The following NUDT3 variants were observed in gnomAD, a reference collection of about 807,000 sequenced individuals.
NUDT3 encodes the protein diphosphoinositol polyphosphate phosphohydrolase 1.
A neutral mutation model predicts 23.6 loss-of-function variants in NUDT3; 9 were observed. The observed-to-expected ratio is 0.38, with a 90% CI of 0.23 to 0.66. The LOEUF (loss-of-function observed/expected upper bound fraction) is 0.66, where lower values mean the gene tolerates loss of function less well. NUDT3 is among the 30% of genes least tolerant of loss of function. NUDT3 has a pLI of 0.52. For synonymous variants in NUDT3, 86 were observed against 82.6 expected, an observed-to-expected ratio of 1.04 and a Z score of -0.22; for missense variants, 172 against 218.5, an observed-to-expected ratio of 0.79 and a Z score of 1.34.
intron 1 of NUDT3, among the ~76,000 whole-genome samples, chr6:34,347,640 AG>A (rs1219031757): frequency 6.6e-6 from 1 of 152,230 alleles, no homozygotes; most frequent in African/African-American, 2.4e-5. Context: ...GAAATACAGC[AG>A]GAACACCATT....
At chr6:34,357,308 GT>G (rs1057099876) in intron 1 of NUDT3, among the ~76,000 whole-genome samples, 1 of 151,972 alleles carries the variant, frequency 6.6e-6, no homozygotes, top group African/African-American at 2.4e-5. Context: ...GAGGTTTTAA[GT>G]TTTCCATAAT....
At chr6:34,318,007 C>G (rs538953683) in intron 2 of NUDT3, among the ~76,000 whole-genome samples, 297 of 152,178 alleles carry the variant, frequency 2.0e-3, no homozygotes, top group African/African-American at 7.0e-3. Context: ...CTAAGAATAG[C>G]AAGGTCAGGT....
chr6:34,335,203 T>C (rs938177520), intron 2 of NUDT3, among the ~76,000 whole-genome samples: 10 of 152,186 alleles, frequency 6.6e-5, no homozygotes, highest in Admixed American at 2.0e-4. Context: ...AAATTTGCTA[T>C]GTTGATTCAT....
intron 2 of NUDT3, among the ~76,000 whole-genome samples, chr6:34,334,998 GAGGA>G (rs769296993): frequency 2.6e-4 from 40 of 151,476 alleles, no homozygotes; most frequent in African/African-American, 4.8e-4. Context: ...AAGAGAGAGA[GAGGA>G]AGGAAGGAAG....
intron 1 of NUDT3, among the ~76,000 whole-genome samples, chr6:34,365,516 G>T (rs1165168331): frequency 6.6e-6 from 1 of 152,158 alleles, no homozygotes; most frequent in African/African-American, 2.4e-5. Flanking sequence ...GTTGCAAGAT[G>T]AATAAAATTT....
chr6:34,380,471 G>A (rs1191858587), intron 1 of NUDT3, among the ~76,000 whole-genome samples: 2 of 152,110 alleles, frequency 1.3e-5, no homozygotes, highest in Admixed American at 1.3e-4. Flanking sequence ...TCCTGCCTCA[G>A]CCTCCCAAAT....
At chr6:34,290,004 C>A (rs1406076964) in intron 4 of NUDT3, among the ~76,000 whole-genome samples, 1 of 152,100 alleles carries the variant, frequency 6.6e-6, no homozygotes, top group East Asian at 1.9e-4. Flanking sequence ...GTGCTGGGCT[C>A]CAATCACATA....
At chr6:34,381,792 C>T (rs1025036882) in intron 1 of NUDT3, among the ~76,000 whole-genome samples, 5 of 151,830 alleles carry the variant, frequency 3.3e-5, no homozygotes, top group Admixed American at 2.0e-4. Flanking sequence ...ATTAAATAAT[C>T]GGCTGGGCAC....
At chr6:34,333,551 A>T (rs115007638) in intron 2 of NUDT3, among the ~76,000 whole-genome samples, 238 of 152,324 alleles carry the variant, frequency 1.6e-3, no homozygotes, top group African/African-American at 5.1e-3. Flanking sequence ...CTGGATTCAA[A>T]TCTTACCTTG....
At chr6:34,381,732 T>TATA (rs2113767964) in intron 1 of NUDT3, among the ~76,000 whole-genome samples, 1 of 152,306 alleles carries the variant, frequency 6.6e-6, no homozygotes, top group East Asian at 1.9e-4. Context: ...GATGGCTGAA[T>TATA]ATAAGCCTAG....
intron 2 of NUDT3, among the ~76,000 whole-genome samples, chr6:34,328,205 CAA>C (rs1390882926): frequency 4.6e-5 from 7 of 152,198 alleles, no homozygotes; most frequent in African/African-American, 1.7e-4. Context: ...ATCCAGCTTT[CAA>C]GTTTCTCTTG....
At position 34,317,415 on chromosome 6, in the gene NUDT3, GA is replaced by G. The variant is rs148610214; in HGVS notation, c.211-21731del. ...AAGGAATAAATGAGAAGCAGACAAAGAAAAAAAAAAGACCAAGGACTGAATC... is the reference window on the plus strand; with the variant it reads ...AAGGAATAAATGAGAAGCAGACAAAGAAAAAAAAAGACCAAGGACTGAATC... On this transcript the variant is annotated intron_variant, in intron 2 of 4. Transcript: ENST00000607016. 2.3e-3 allele frequency among the ~76,000 whole-genome samples: 333 copies of G among 145,454 alleles called. 1 individual carries two copies. Among genetic ancestry groups the G allele is most frequent in the East Asian group, 0.011 (57 of 5,040 alleles).
rs563054641 is a variant in NUDT3, at chr6:34,348,645, G to A, written c.100-6673C>T. Among the ~76,000 whole-genome samples the A allele has an allele frequency of 9.0e-4, 137 of 151,936 alleles. No individual in the cohort carries two copies. The East Asian group carries it at 0.011, about 12-fold the overall frequency. On this transcript the variant is annotated intron_variant, in intron 1 of 4. Coordinates refer to ENST00000607016, the MANE Select transcript of NUDT3 (RefSeq NM_006703.4). ...ACAAAAATTAGCCGGGCGTGGTGGC[G>A]GGCGCCTGTAGTCCCAGCTACTCAG...
In NUDT3 at chr6:34,390,559, T is replaced by TG. The variant is rs1765181679; in HGVS notation, c.99+1704dup. On this transcript the variant is annotated intron_variant, in intron 1 of 4. Transcript: ENST00000607016. ...TATTATTTTTTTTTATATTTAGAGA[T>TG]GGGGATCTGTGTTGGCCAGGTTGGT... Among the ~76,000 whole-genome samples, 5 of 152,138 alleles carry TG rather than the reference T, an allele frequency of 3.3e-5. No individual in the cohort carries two copies. The South Asian group carries it at 1.0e-3, about 32-fold the overall frequency.
Position 34,368,930 on chromosome 6 carries a change from G to A in NUDT3, c.99+23334C>T, listed in dbSNP as rs375973938. Among the ~76,000 whole-genome samples the A allele has an allele frequency of 3.5e-3, 529 of 152,216 alleles. 4 individuals carry two copies. Among genetic ancestry groups the A allele is most frequent in the Middle Eastern group, 0.027 (8 of 292 alleles). On this transcript the variant is annotated intron_variant, in intron 1 of 4. Transcript: ENST00000607016. ...TGGGATTACAGGAGTGAGCCACCGC[G>A]CCCGGCCCAACAGTAGCTCTGTTTA...
rs1190716712 is a variant in NUDT3, at chr6:34,284,966, A to T, written c.*3787T>A. 6.6e-6 allele frequency: 1 copy of T among 152,210 alleles called. No individual in the cohort carries two copies. Among genetic ancestry groups the T allele is most frequent in the Non-Finnish European group, 1.5e-5 (1 of 68,052 alleles). The allele number at this position is 152,210 out of a possible 1,614,324, so 9.4% of individuals were successfully genotyped here. Reference sequence around the variant, plus strand: ...TGCTCCCCAGAGGCTCCAAGAAGCAAGGCCTCAAGTGCCTCATGTTCCATG... The same window carrying T: ...TGCTCCCCAGAGGCTCCAAGAAGCATGGCCTCAAGTGCCTCATGTTCCATG... On this transcript the variant is annotated 3_prime_UTR_variant, in exon 5 of 5. Transcript: ENST00000607016.
intron 2 of NUDT3, among the ~76,000 whole-genome samples, chr6:34,297,016 C>T (rs115562509): frequency 0.095 from 14,284 of 150,528 alleles, 784 homozygotes; most frequent in Non-Finnish European, 0.12. Context: ...ACTGCAACAT[C>T]CATCTCCCGG....
At chr6:34,359,251 T>C (rs1389148015) in intron 1 of NUDT3, among the ~76,000 whole-genome samples, 2 of 152,110 alleles carry the variant, frequency 1.3e-5, no homozygotes, top group Non-Finnish European at 2.9e-5. Context: ...CGGGCGCCTG[T>C]AGTCCCAGCT....
chr6:34,320,938 G>A (rs1031311568), intron 2 of NUDT3, among the ~76,000 whole-genome samples: 4 of 152,094 alleles, frequency 2.6e-5, no homozygotes, highest in Non-Finnish European at 5.9e-5. Flanking sequence ...AGCATGGAAA[G>A]TCATAAAAGC....
Sources: gnomAD v4.1 joint callset for allele counts (sites outside exome capture counted in the v4.1 genomes callset) on GRCh38, gnomAD v4.1.1 for gene constraint, MANE v1.5 for transcripts, NCBI Gene and HGNC (gene_info 2026-07-23, HGNC 2026-07-21) for gene names.